Variants in FRAS1 observed in about 807,000 individuals in gnomAD.
FRAS1 encodes extracellular matrix organizing protein FRAS1.
FRAS1 carries 290 observed loss-of-function variants against 435.2 expected under a neutral mutation model. That is an observed-to-expected ratio of 0.67 (90% CI 0.61 to 0.73). The LOEUF (loss-of-function observed/expected upper bound fraction) is 0.73, where lower values mean the gene tolerates loss of function less well. FRAS1 is among the 30% of genes least tolerant of loss of function. FRAS1 has a pLI of 0.00. For synonymous variants in FRAS1, 1,800 were observed against 1,851.0 expected (o/e 0.97, Z 0.71); for missense variants, 4,860 against 5,001.5 (o/e 0.97, Z 0.85).
chr4:78,450,276 A>G lies in FRAS1; in HGVS notation c.6400A>G (p.Asn2134Asp), dbSNP rs1370163142. 6.2e-7 allele frequency: 1 copy of G among 1,613,930 alleles called. No individual in the cohort carries two copies. The highest frequency in any genetic ancestry group is 1.3e-5 in the African/African-American group (1 of 75,028). ...AGRLQMMKHG[N>D]LEQISIKGPI... ...GCGCCTGCAGATGATGAAGCATGGC[A>G]ACCTGGAGCAAATTTCTATTAAAGG... Residue 2134 changes from asparagine (N) to aspartate (D), a missense_variant, in exon 45 of 74, where the codon AAC (asparagine) becomes GAC (aspartate). Coordinates refer to ENST00000512123, the MANE Select transcript of FRAS1 (RefSeq NM_025074.7).
At chr4:78,260,314 A>T (rs1297784669) in intron 6 of FRAS1, among the ~76,000 whole-genome samples, 7 of 151,992 alleles carry the variant, frequency 4.6e-5, no homozygotes, top group Admixed American at 2.6e-4. Context: ...TTTTCACCAT[A>T]TTGATTCTTC....
intron 55 of FRAS1, 110 bp from the exon 56 acceptor site, chr4:78,479,264 A>C (rs1719939447): frequency 1.6e-6 from 1 of 624,422 alleles, no homozygotes; most frequent in Non-Finnish European, 2.4e-6. Flanking sequence ...GTTTGAACAG[A>C]AATAGTGATG....
chr4:78,449,415 G>A (rs1369920423), intron 44 of FRAS1, among the ~76,000 whole-genome samples: 1 of 152,174 alleles, frequency 6.6e-6, no homozygotes, highest in Non-Finnish European at 1.5e-5. Context: ...GTAAAGCATG[G>A]TCAGGGTCTT....
chr4:78,522,854 T>G (rs1373977591), intron 69 of FRAS1, 46 bp downstream of exon 69: 1 of 1,487,714 alleles, frequency 6.7e-7, no homozygotes, highest in Non-Finnish European at 9.0e-7. Flanking sequence ...TGAATGGTTT[T>G]CCATTTCTTT....
At position 78,061,381 on chromosome 4, in the gene FRAS1, T is replaced by C. The variant is rs191423610; in HGVS notation, c.76+3296T>C. ...AAATATCTTGAGTTCTGTTGACATATGGAAGTCCTGTGAAGTTACAGTAGA... is the reference window on the plus strand; with the variant it reads ...AAATATCTTGAGTTCTGTTGACATACGGAAGTCCTGTGAAGTTACAGTAGA... On this transcript the variant is annotated intron_variant, in intron 1 of 73. Coordinates refer to ENST00000512123, the MANE Select transcript of FRAS1 (RefSeq NM_025074.7). Among the ~76,000 whole-genome samples the C allele has an allele frequency of 1.9e-4, 29 of 152,246 alleles. No individual in the cohort carries two copies. In the East Asian group the frequency reaches 4.8e-3, roughly 25 times the overall value.
chr4:78,344,564 A>G (rs1730530265), intron 20 of FRAS1, among the ~76,000 whole-genome samples: 1 of 148,452 alleles, frequency 6.7e-6, no homozygotes, highest in Non-Finnish European at 1.5e-5. Flanking sequence ...AATTGCTTGC[A>G]CACAATCGGG....
intron 18 of FRAS1, among the ~76,000 whole-genome samples, chr4:78,331,538 C>A (rs1253888181): frequency 6.6e-6 from 1 of 152,074 alleles, no homozygotes; most frequent in Non-Finnish European, 1.5e-5. Flanking sequence ...AACATTAGCT[C>A]CATATATATA....
At chr4:78,116,249 A>T (rs1229349904) in intron 2 of FRAS1, among the ~76,000 whole-genome samples, 1 of 152,186 alleles carries the variant, frequency 6.6e-6, no homozygotes, top group African/African-American at 2.4e-5. Context: ...TTTACTTCCA[A>T]CTATGTAGTC....
intron 2 of FRAS1, among the ~76,000 whole-genome samples, chr4:78,083,422 C>T (rs1184026218): frequency 6.6e-6 from 1 of 152,134 alleles, no homozygotes; most frequent in Non-Finnish European, 1.5e-5. Flanking sequence ...TGCAGAAGTA[C>T]TTTATCAGGA....
intron 63 of FRAS1, among the ~76,000 whole-genome samples, chr4:78,510,869 G>A (rs928452552): frequency 5.9e-5 from 9 of 152,204 alleles, no homozygotes; most frequent in African/African-American, 2.2e-4. Context: ...TGGGAAGGAA[G>A]CATATTTCCT....
In FRAS1 at chr4:78,375,806, T is replaced by C. The variant is rs776169139; in HGVS notation, c.3219T>C (p.Phe1073=). ...DRCHLCDHGF[F]LKSGLCVYNC... ...GTCACCTCTGTGACCATGGGTTCTT[T>C]CTGAAGAGTGGCCTCTGTGTTTACA... Residue 1073 remains phenylalanine (F), a synonymous_variant, in exon 26 of 74, where the codon TTT becomes TTC. Coordinates refer to ENST00000512123, the MANE Select transcript of FRAS1 (RefSeq NM_025074.7). 3 of 1,613,442 alleles carry C rather than the reference T, an allele frequency of 1.9e-6. No individual in the cohort carries two copies. In the Admixed American group the frequency reaches 5.0e-5, roughly 27 times the overall value.
chr4:78,342,824 C>T (rs1730444628), intron 20 of FRAS1, among the ~76,000 whole-genome samples: 1 of 152,064 alleles, frequency 6.6e-6, no homozygotes, highest in Non-Finnish European at 1.5e-5. Flanking sequence ...GGTAATATTG[C>T]AGAGGGGAAG....
intron 20 of FRAS1, 146 bp downstream of exon 20, chr4:78,337,963 C>G (rs397449): frequency 1.4e-6 from 1 of 716,934 alleles, no homozygotes; most frequent in Non-Finnish European, 2.4e-6. Flanking sequence ...CATGTTACTG[C>G]TTCTCCTTGG....
At chr4:78,317,308 G>C in intron 16 of FRAS1, 60 bp from the exon 17 acceptor site, 1 of 1,596,608 alleles carries the variant, frequency 6.3e-7, no homozygotes, top group Non-Finnish European at 8.6e-7. Flanking sequence ...GCCCAGCCAG[G>C]AAGTGGGCAC....
chr4:78,163,169 G>A (rs1030347725), intron 2 of FRAS1, among the ~76,000 whole-genome samples: 17 of 152,164 alleles, frequency 1.1e-4, no homozygotes, highest in Admixed American at 8.5e-4. Context: ...TTTAGTGGAG[G>A]CTGTTGGAAC....
In FRAS1 at chr4:78,526,606, G is replaced by A; in HGVS notation, c.10874G>A (p.Trp3625Ter). The A allele has an allele frequency of 6.2e-7, 1 of 1,601,960 alleles. No individual in the cohort carries two copies. Among genetic ancestry groups the A allele is most frequent in the Non-Finnish European group, 8.5e-7 (1 of 1,174,824 alleles). Residue 3625 changes from tryptophan to a stop codon, truncating the protein, a stop_gained, in exon 70 of 74, where the codon TGG becomes TAG. Transcript: ENST00000512123. LOFTEE classifies it high-confidence loss of function. ...IPCTVQPTQP[W>*]VDPGEKPLAC... ...TGCACAGTGCAGCCCACACAGCCAT[G>A]GGTTGACCCAGGAGAGAAGCCTTTG...
rs927078256 is a variant in FRAS1 at position 78,445,416 on chromosome 4, T to C, written c.5666-106T>C. 11 of 1,388,956 alleles carry C rather than the reference T, an allele frequency of 7.9e-6. 1 individual carries two copies. The Admixed American group carries it at 2.7e-4, about 34-fold the overall frequency. 86.0% of individuals were successfully genotyped at this position (1,388,956 alleles called of 1,614,324 possible). The stretch of plus-strand genomic sequence containing the variant: ...CCACTCTCCCAACTTTATCCTCAAA[T>C]ACATTTTCTTTTTTTTTGCCGAAAA... On this transcript the variant is annotated intron_variant, in intron 41 of 73. Transcript: ENST00000512123.
intron 70 of FRAS1, among the ~76,000 whole-genome samples, chr4:78,528,009 A>G (rs1219219489): frequency 6.6e-6 from 1 of 152,098 alleles, no homozygotes; most frequent in Non-Finnish European, 1.5e-5. Flanking sequence ...CAGGCAGTGA[A>G]TCAATGGAAG....
chr4:78,310,441 G>A (rs1023158223), intron 15 of FRAS1, among the ~76,000 whole-genome samples: 7 of 152,172 alleles, frequency 4.6e-5, no homozygotes, highest in Non-Finnish European at 1.0e-4. Flanking sequence ...GGCTGTAAGA[G>A]GTGGGAATCT....
Sources: gnomAD v4.1 joint callset for allele counts (sites outside exome capture counted in the v4.1 genomes callset) on GRCh38, gnomAD v4.1.1 for gene constraint, MANE v1.5 for transcripts, NCBI Gene and HGNC (gene_info 2026-07-23, HGNC 2026-07-21) for gene names.